SAMMSON: variants seen among roughly 807,000 people sequenced by gnomAD.
SAMMSON encodes the protein survival associated mitochondrial melanoma specific oncogenic non-coding RNA, also known as long intergenic non-protein coding RNA 1212.
At chr3:70,204,428 T>C (rs1701270360) in intron 4 of SAMMSON, 1 of 152,168 alleles carries the variant, frequency 6.6e-6, no homozygotes, top group Admixed American at 6.6e-5. Context: ...AATGAGAGTT[T>C]CTTATCACTC....
intron 4 of SAMMSON, among the ~76,000 whole-genome samples, chr3:70,220,012 A>C (rs1490435016): frequency 6.6e-6 from 1 of 152,174 alleles, no homozygotes; most frequent in Non-Finnish European, 1.5e-5. Context: ...ATTCTAAAAA[A>C]TATTTTGAAT....
At chr3:70,271,436 A>G (rs1701974912) in intron 6 of SAMMSON, among the ~76,000 whole-genome samples, 1 of 152,192 alleles carries the variant, frequency 6.6e-6, no homozygotes, top group Non-Finnish European at 1.5e-5. Context: ...GTATCATCAA[A>G]TCTGTTTTTC....
At chr3:70,280,550 A>C (rs1400837446) in intron 6 of SAMMSON, among the ~76,000 whole-genome samples, 2 of 152,106 alleles carry the variant, frequency 1.3e-5, no homozygotes, top group African/African-American at 4.8e-5. Flanking sequence ...CCTGTATTGA[A>C]TGTTGGGACT....
At chr3:70,084,150 A>C (rs1576117679) in intron 4 of SAMMSON, among the ~76,000 whole-genome samples, 1 of 152,046 alleles carries the variant, frequency 6.6e-6, no homozygotes, top group Non-Finnish European at 1.5e-5. Context: ...CCTCTTTCTC[A>C]CTTTTTTTGT....
At chr3:70,019,564 A>G (rs963114973) in intron 3 of SAMMSON, among the ~76,000 whole-genome samples, 1 of 152,048 alleles carries the variant, frequency 6.6e-6, no homozygotes, top group Non-Finnish European at 1.5e-5. Flanking sequence ...TTTTAATTGG[A>G]GCATTTAGCC....
chr3:70,385,452 T>C (rs1703112694), intron 9 of SAMMSON, among the ~76,000 whole-genome samples: 1 of 152,152 alleles, frequency 6.6e-6, no homozygotes, highest in African/African-American at 2.4e-5. Context: ...TGGAAACTTA[T>C]TCAAAGGTTG....
intron 4 of SAMMSON, among the ~76,000 whole-genome samples, chr3:70,079,830 C>T (rs1354716217): frequency 6.6e-6 from 1 of 152,172 alleles, no homozygotes; most frequent in Non-Finnish European, 1.5e-5. Flanking sequence ...CTTAGTGCCA[C>T]ATCTGGAGCC....
chr3:70,073,695 T>C (rs2067238254), intron 4 of SAMMSON, among the ~76,000 whole-genome samples: 1 of 152,002 alleles, frequency 6.6e-6, no homozygotes, highest in African/African-American at 2.4e-5. Context: ...TTGATCTTTA[T>C]TTTCCAAACA....
At chr3:70,167,212 T>A (rs1016451062) in intron 4 of SAMMSON, among the ~76,000 whole-genome samples, 1 of 152,004 alleles carries the variant, frequency 6.6e-6, no homozygotes, top group African/African-American at 2.4e-5. Context: ...GACTATCGTA[T>A]TGGAGAGTGA....
chr3:70,255,136 A>G (rs1239515904), intron 6 of SAMMSON, among the ~76,000 whole-genome samples: 3 of 152,202 alleles, frequency 2.0e-5, no homozygotes, highest in African/African-American at 7.2e-5. Context: ...GAATTCTTAA[A>G]CCATGCTGCT....
intron 1 of SAMMSON, among the ~76,000 whole-genome samples, chr3:70,007,426 G>T (rs943265568): frequency 2.0e-5 from 3 of 152,210 alleles, no homozygotes; most frequent in African/African-American, 4.8e-5. Flanking sequence ...TCATGTGTCT[G>T]TTGGCTGCAT....
At chr3:70,124,584 G>C (rs867596374) in intron 4 of SAMMSON, among the ~76,000 whole-genome samples, 1 of 151,812 alleles carries the variant, frequency 6.6e-6, no homozygotes, top group Non-Finnish European at 1.5e-5. Context: ...AGGCTGAGGC[G>C]GGTGGATCAC....
At chr3:70,217,277 T>C (rs752780014) in intron 4 of SAMMSON, among the ~76,000 whole-genome samples, 4 of 152,140 alleles carry the variant, frequency 2.6e-5, no homozygotes, top group Admixed American at 6.6e-5. Context: ...AGTACAAACG[T>C]AGATAGTTTC....
chr3:70,125,421 A>C, intron 4 of SAMMSON: 1 of 1,167,558 alleles, frequency 8.6e-7, no homozygotes. Flanking sequence ...TCTTCTCTAG[A>C]AATTCTGTCC....
At chr3:70,369,111 A>C (rs192080523) in intron 9 of SAMMSON, among the ~76,000 whole-genome samples, 20 of 151,662 alleles carry the variant, frequency 1.3e-4, no homozygotes, top group African/African-American at 3.4e-4. Context: ...GCTATTATAA[A>C]TGTCTATTTT....
chr3:70,394,239 G>A (rs190495660), downstream of SAMMSON, among the ~76,000 whole-genome samples: 6 of 152,284 alleles, frequency 3.9e-5, no homozygotes, highest in East Asian at 1.9e-4. Context: ...AGAAATGCCC[G>A]ACTGAAAGTC....
intron 7 of SAMMSON, among the ~76,000 whole-genome samples, chr3:70,344,050 A>T (rs1262501601): frequency 6.6e-6 from 1 of 151,894 alleles, no homozygotes; most frequent in African/African-American, 2.4e-5. Context: ...CACTGCTTCT[A>T]ATTTGTAGCA....
At chr3:70,290,974 A>T (rs1265105773) in intron 6 of SAMMSON, among the ~76,000 whole-genome samples, 3 of 152,078 alleles carry the variant, frequency 2.0e-5, no homozygotes, top group Non-Finnish European at 4.4e-5. Flanking sequence ...CTCCCTAGTG[A>T]GATGAACCCG....
At chr3:70,309,227 A>G (rs1702434643) in intron 7 of SAMMSON, among the ~76,000 whole-genome samples, 1 of 152,142 alleles carries the variant, frequency 6.6e-6, no homozygotes, top group Admixed American at 6.6e-5. Flanking sequence ...GAGCCCTGCA[A>G]ATTTGAGCAA....
Sources: gnomAD v4.1 joint callset for allele counts (sites outside exome capture counted in the v4.1 genomes callset) on GRCh38, gnomAD v4.1.1 for gene constraint, MANE v1.5 for transcripts, NCBI Gene and HGNC (gene_info 2026-07-23, HGNC 2026-07-21) for gene names.